MID2: variants seen among roughly 807,000 people sequenced by gnomAD.
MID2 encodes the protein midline 2.
MID2 carries 13 observed loss-of-function variants against 46.1 expected under a neutral mutation model. The observed-to-expected ratio is 0.28, with a 90% CI of 0.18 to 0.45. The LOEUF is 0.45. Among genes scored for constraint, MID2 ranks in the 20% least tolerant of loss-of-function variants. MID2 has a pLI of 1.00. For missense variants in MID2, 431 were observed against 575.4 expected (o/e 0.75, Z 2.57); for synonymous variants, 199 against 212.3 (o/e 0.94, Z 0.55).
intron 1 of MID2, among the ~76,000 whole-genome samples, chrX:107,829,786 C>A (rs907976293): frequency 1.8e-5 from 2 of 111,772 alleles, no homozygotes; most frequent in African/African-American, 6.5e-5. Flanking sequence ...TATTTGTTTT[C>A]ATGACTACTA....
At chrX:107,915,433 C>G (rs1932952555) in intron 5 of MID2, among the ~76,000 whole-genome samples, 1 of 109,870 alleles carries the variant, frequency 9.1e-6, no homozygotes, top group Non-Finnish European at 1.9e-5. Flanking sequence ...GGCGGGCCAC[C>G]AGCTAGGGAG....
chrX:107,828,794 G>A (rs1046894412), intron 1 of MID2, among the ~76,000 whole-genome samples: 3 of 112,502 alleles, frequency 2.7e-5, no homozygotes, highest in African/African-American at 9.7e-5. Flanking sequence ...GTGCACTTGT[G>A]TAAAAGCTAT....
intron 5 of MID2, among the ~76,000 whole-genome samples, chrX:107,915,388 C>T (rs1172473587): frequency 9.0e-6 from 1 of 111,163 alleles, no homozygotes; most frequent in Non-Finnish European, 1.9e-5. Flanking sequence ...AAAATCCCGT[C>T]TCTACTAAAA....
intron 5 of MID2, among the ~76,000 whole-genome samples, chrX:107,908,694 T>C (rs1932857296): frequency 2.6e-5 from 2 of 76,999 alleles, no homozygotes; most frequent in East Asian, 4.2e-4. Context: ...CGAGATTCCA[T>C]CTAAAAAAAA....
chrX:107,854,656 A>T lies in MID2; in HGVS notation c.768A>T (p.Glu256Asp). The T allele has an allele frequency of 8.3e-7, 1 of 1,211,231 alleles. No homozygotes were observed. Among genetic ancestry groups the T allele is most frequent in the Non-Finnish European group, 1.1e-6 (1 of 894,864 alleles). ...CCAACCTGGTTAAGCGCAACAGCGA[A>T]CTAGAAAATCAAATGGCCAAACTAA... ...NLTNLVKRNS[E>D]LENQMAKLIQ... Residue 256 changes from glutamate to aspartate, a missense_variant, in exon 3 of 10, where the codon GAA (glutamate) becomes GAT (aspartate). Glu to Asp is a conservative substitution (Grantham distance 45). Coordinates refer to ENST00000262843, the MANE Select transcript of MID2 (RefSeq NM_012216.4).
intron 3 of MID2, among the ~76,000 whole-genome samples, chrX:107,899,244 G>A (rs1296513871): frequency 1.1e-5 from 1 of 89,085 alleles, no homozygotes; most frequent in Non-Finnish European, 2.1e-5. Context: ...GGGTAAAAAG[G>A]TCTAGTCCAT....
intron 3 of MID2, among the ~76,000 whole-genome samples, chrX:107,870,269 C>A (rs1313157782): frequency 9.0e-6 from 1 of 110,503 alleles, no homozygotes; most frequent in East Asian, 2.8e-4. Flanking sequence ...TGAAATCAAT[C>A]TATAGCCTTA....
At chrX:107,910,621 A>G (rs763830711) in intron 5 of MID2, among the ~76,000 whole-genome samples, 16 of 104,160 alleles carry the variant, frequency 1.5e-4, no homozygotes, top group Non-Finnish European at 1.2e-4. Context: ...CCCACCAACA[A>G]TGTATAAGGG....
At chrX:107,836,553 CTT>C (rs35453729) in intron 1 of MID2, among the ~76,000 whole-genome samples, 3 of 102,349 alleles carry the variant, frequency 2.9e-5, no homozygotes, top group African/African-American at 7.0e-5. Flanking sequence ...GCCCAGCCTA[CTT>C]TTTTTTTTTT....
rs918555052 is a variant in MID2 at position 107,826,097 on chromosome X, T to C, written c.-330T>C. Reference sequence around the variant, plus strand: ...TCCTCTGCGGCGGCGGAAATGACAGTGTGGTGCTGCCGTGGTGTCATGGTG... The same window carrying C: ...TCCTCTGCGGCGGCGGAAATGACAGCGTGGTGCTGCCGTGGTGTCATGGTG... On this transcript the variant is annotated 5_prime_UTR_variant, in exon 1 of 10. Transcript: ENST00000262843. 3.4e-6 allele frequency: 1 copy of C among 293,457 alleles called. No homozygotes were observed. Among genetic ancestry groups the C allele is most frequent in the Admixed American group, 6.2e-5 (1 of 16,185 alleles). The allele number at this position is 293,457 out of a possible 1,213,427, so 24.2% of individuals were successfully genotyped here.
chrX:107,826,021 GC>G lies in MID2; in HGVS notation c.-402del. ...GTGCTCCCTTGGGGTGTCAGCCCCA[GC>G]CCCGTTTGCCCCCACTCCGCCTCCC... is the stretch of plus-strand genomic sequence containing the variant. On this transcript the variant is annotated 5_prime_UTR_variant, in exon 1 of 10. Coordinates refer to ENST00000262843, the MANE Select transcript of MID2 (RefSeq NM_012216.4). 1 of 290,693 alleles carries G rather than the reference GC, an allele frequency of 3.4e-6. No individual in the cohort carries two copies. Among genetic ancestry groups the G allele is most frequent in the Non-Finnish European group, 6.0e-6 (1 of 165,799 alleles). The allele number at this position is 290,693 out of a possible 1,213,427, so 24.0% of individuals were successfully genotyped here.
chrX:107,877,624 T>C lies in MID2; in HGVS notation c.816+22920T>C, dbSNP rs1051920506. ...ACAAGGAGGGCCTAGAGAATAGGAA[T>C]TGTCTGCACTCACCTATGCCTTCAT... On this transcript the variant is annotated intron_variant, in intron 3 of 9. Transcript: ENST00000262843. Among the ~76,000 whole-genome samples, 3 of 111,891 alleles carry C rather than the reference T, an allele frequency of 2.7e-5. No individual in the cohort carries two copies. The East Asian group carries it at 8.5e-4, about 32-fold the overall frequency.
chrX:107,845,525 A>ACACACTCTCTCTCTCTCT lies in MID2; in HGVS notation c.720+4141_720+4142insACACTCTCTCTCTCTCTC, dbSNP rs1276957001. On this transcript the variant is annotated intron_variant, in intron 2 of 9. Coordinates refer to ENST00000262843, the MANE Select transcript of MID2 (RefSeq NM_012216.4). ...CACACACACACACACACACACACAC[A>ACACACTCTCTCTCTCTCT]CTCTCTCTCTCTCTCTCTCTCTCTC... is the stretch of plus-strand genomic sequence containing the variant. Among the ~76,000 whole-genome samples the ACACACTCTCTCTCTCTCT allele has an allele frequency of 5.5e-3, 398 of 72,903 alleles. 5 individuals are homozygous for ACACACTCTCTCTCTCTCT. The highest frequency in any genetic ancestry group is 0.028 in the African/African-American group (370 of 13,175). 63.3% of individuals were successfully genotyped at this position (72,903 alleles called of 115,157 possible).
rs73249881 is a variant in MID2 at position 107,830,792 on chromosome X, T to A, written c.4+4362T>A. Among the ~76,000 whole-genome samples the A allele has an allele frequency of 4.3e-3, 476 of 111,903 alleles. 1 individual carries two copies. The highest frequency in any genetic ancestry group is 7.4e-3 in the Non-Finnish European group (392 of 53,198). Reference sequence around the variant, plus strand: ...AGAAATTCCAGCTGTAATTATCTTCTTGTACAGATAGCTAATCTACTTTTT... The same window carrying A: ...AGAAATTCCAGCTGTAATTATCTTCATGTACAGATAGCTAATCTACTTTTT... On this transcript the variant is annotated intron_variant, in intron 1 of 9. Coordinates refer to ENST00000262843, the MANE Select transcript of MID2 (RefSeq NM_012216.4).
intron 2 of MID2, among the ~76,000 whole-genome samples, chrX:107,851,136 A>G (rs982397188): frequency 4.5e-5 from 5 of 111,611 alleles, no homozygotes; most frequent in African/African-American, 1.6e-4. Context: ...GAAAATTATC[A>G]ACTGGATTCA....
intron 2 of MID2, among the ~76,000 whole-genome samples, chrX:107,850,240 G>C (rs1343019275): frequency 1.8e-5 from 2 of 110,644 alleles, no homozygotes; most frequent in Non-Finnish European, 3.8e-5. Flanking sequence ...CTCAGCCAGA[G>C]TACAGACAAG....
chrX:107,921,015 C>G (rs760421495), intron 7 of MID2, among the ~76,000 whole-genome samples: 1 of 111,562 alleles, frequency 9.0e-6, no homozygotes, highest in East Asian at 2.8e-4. Flanking sequence ...TTTATCTAAC[C>G]ACCATTTATA....
At position 107,928,197 on chromosome X, in the gene MID2, T is replaced by C. The variant is rs760181736; in HGVS notation, c.*1124T>C. 3.6e-5 allele frequency among the ~76,000 whole-genome samples: 4 copies of C among 112,068 alleles called. No individual in the cohort carries two copies. The highest frequency in any genetic ancestry group is 7.5e-5 in the Non-Finnish European group (4 of 53,212). On this transcript the variant is annotated 3_prime_UTR_variant, in exon 10 of 10. Coordinates refer to ENST00000262843, the MANE Select transcript of MID2 (RefSeq NM_012216.4). Reference sequence around the variant, plus strand: ...TGCACCAACTATTCCCATATAAATGTACTTGCTTTTTCAGATAAAACACTT... The same window carrying C: ...TGCACCAACTATTCCCATATAAATGCACTTGCTTTTTCAGATAAAACACTT...
rs774282715 is a variant in MID2, at chrX:107,905,543, A to G, written c.990A>G (p.Thr330=). ...GCCGCCAGTGTCTTGAACGGTCAAC[A>G]GTCCTCATCAACCAAGCTGAGCATA... The part of the protein sequence containing the change: ...ANCRQCLERS[T]VLINQAEHIL... Residue 330 remains threonine (T), a synonymous_variant, in exon 5 of 10, where the codon ACA becomes ACG. Transcript: ENST00000262843. The G allele has an allele frequency of 5.8e-6, 7 of 1,208,007 alleles. No individual in the cohort carries two copies. In the East Asian group the frequency reaches 1.8e-4, roughly 31 times the overall value.
Sources: gnomAD v4.1 joint callset for allele counts (sites outside exome capture counted in the v4.1 genomes callset) on GRCh38, gnomAD v4.1.1 for gene constraint, MANE v1.5 for transcripts, NCBI Gene and HGNC (gene_info 2026-07-23, HGNC 2026-07-21) for gene names.